MYO16: variants seen among roughly 807,000 people sequenced by gnomAD.
The protein encoded by MYO16 is myosin XVI.
Under a neutral mutation model 205.3 loss-of-function variants are expected in MYO16, and 94 were observed. The observed-to-expected ratio is 0.46, with a 90% CI of 0.39 to 0.54. The LOEUF is 0.54. MYO16 is among the 20% of genes least tolerant of loss of function. The pLI is 0.00. For missense variants in MYO16, 2,315 were observed against 2,387.5 expected (o/e 0.97, Z 0.63); for synonymous variants, 988 against 954.0 (o/e 1.04, Z -0.66).
intron 23 of MYO16, among the ~76,000 whole-genome samples, chr13:109,041,441 T>C (rs1027036706): frequency 4.6e-5 from 7 of 152,142 alleles, no homozygotes; most frequent in African/African-American, 1.7e-4. Context: ...TAAAGAAGAA[T>C]GAAGTGGGAG....
intron 16 of MYO16, among the ~76,000 whole-genome samples, chr13:108,932,432 C>T (rs1313126321): frequency 3.9e-5 from 6 of 152,158 alleles, no homozygotes; most frequent in Non-Finnish European, 8.8e-5. Context: ...TGGCCTAGGT[C>T]AAGGGTTAGC....
the MYO16 span, among the ~76,000 whole-genome samples, chr13:108,536,282 T>C: frequency 1.3e-5 from 2 of 152,166 alleles, no homozygotes; most frequent in African/African-American, 4.8e-5. Flanking sequence ...GATTTACAAC[T>C]GACTCCTTCT....
the MYO16 span, among the ~76,000 whole-genome samples, chr13:108,575,320 A>G: frequency 1.3e-5 from 2 of 152,150 alleles, no homozygotes; most frequent in East Asian, 1.9e-4. Context: ...CTTGACCTGT[A>G]TGGGTCCTAG....
intron 31 of MYO16, among the ~76,000 whole-genome samples, chr13:109,135,072 G>A (rs975407533): frequency 3.3e-5 from 5 of 152,150 alleles, no homozygotes; most frequent in African/African-American, 1.2e-4. Context: ...AGCGCCTCAA[G>A]TGTGTCCTCT....
intron 2 of MYO16, among the ~76,000 whole-genome samples, chr13:108,704,493 A>G (rs1431515476): frequency 1.3e-5 from 2 of 152,196 alleles, no homozygotes; most frequent in Non-Finnish European, 2.9e-5. Flanking sequence ...AAGAACTTAA[A>G]ATATAATAAA....
At chr13:108,919,171 G>A (rs1234808191) in intron 16 of MYO16, among the ~76,000 whole-genome samples, 2 of 152,150 alleles carry the variant, frequency 1.3e-5, no homozygotes, top group South Asian at 2.1e-4. Context: ...GAGGTGCCAC[G>A]AGCATTGTGG....
At chr13:108,861,258 CTG>C (rs1391969522) in intron 11 of MYO16, among the ~76,000 whole-genome samples, 3 of 152,112 alleles carry the variant, frequency 2.0e-5, no homozygotes, top group Non-Finnish European at 4.4e-5. Flanking sequence ...TTGGTTTTGT[CTG>C]TGTTTTTTAA....
At position 109,157,260 on chromosome 13, in the gene MYO16, A is replaced by C. The variant is rs987415053; in HGVS notation, c.5165-7641A>C. 3.1e-4 allele frequency among the ~76,000 whole-genome samples: 37 copies of C among 120,172 alleles called. 2 individuals are homozygous for C. The East Asian group carries it at 6.2e-3, about 20-fold the overall frequency. 78.8% of individuals were successfully genotyped at this position (120,172 alleles called of 152,430 possible). The stretch of plus-strand genomic sequence containing the variant: ...GTATTTACAAAAAAAAAAAAAAAAA[A>C]AAAAAAAAACCTTATTCTTCACAGC... On this transcript the variant is annotated intron_variant, in intron 32 of 34. Transcript: ENST00000457511.
intron 27 of MYO16, among the ~76,000 whole-genome samples, chr13:109,081,374 G>A (rs1888275482): frequency 6.6e-6 from 1 of 152,140 alleles, no homozygotes; most frequent in Non-Finnish European, 1.5e-5. Context: ...TTATGCATTA[G>A]GGTGAATATT....
chr13:108,718,782 C>T (rs1392166434), intron 3 of MYO16, among the ~76,000 whole-genome samples: 3 of 152,114 alleles, frequency 2.0e-5, no homozygotes, highest in South Asian at 4.1e-4. Context: ...AGAACCATCA[C>T]ATCCATAACT....
chr13:108,742,689 G>A (rs1451753776), intron 4 of MYO16, among the ~76,000 whole-genome samples: 3 of 152,096 alleles, frequency 2.0e-5, no homozygotes, highest in Non-Finnish European at 4.4e-5. Flanking sequence ...AAAGCTAAAA[G>A]TGATTTATTC....
At chr13:108,699,449 AAG>A (rs1883216846) in intron 2 of MYO16, among the ~76,000 whole-genome samples, 1 of 152,162 alleles carries the variant, frequency 6.6e-6, no homozygotes, top group South Asian at 2.1e-4. Context: ...TGGCATAAAA[AAG>A]AGCATTTTAA....
At chr13:108,679,792 T>G (rs1006700142) in intron 2 of MYO16, among the ~76,000 whole-genome samples, 1 of 152,120 alleles carries the variant, frequency 6.6e-6, no homozygotes, top group Non-Finnish European at 1.5e-5. Context: ...TCCAAACTTC[T>G]TTTCAAGAGA....
In MYO16 at chr13:109,100,953, AG is replaced by A. The variant is rs1217557090; in HGVS notation, c.3438+69del. 13 of 1,391,410 alleles carry A rather than the reference AG, an allele frequency of 9.3e-6. No individual in the cohort carries two copies. In the Admixed American group the frequency reaches 1.5e-4, roughly 16 times the overall value. 86.2% of individuals were successfully genotyped at this position (1,391,410 alleles called of 1,614,324 possible). A position where few individuals can be genotyped will look rare whatever the true frequency, so the allele number is the denominator to read the frequency against. The stretch of plus-strand genomic sequence containing the variant: ...TTAAATAAATGAGCTGAGTCATTGC[AG>A]GGAGCCACCAGAATCTTCCTGGCAA... On this transcript the variant is annotated intron_variant, in intron 28 of 34. Transcript: ENST00000457511.
At chr13:108,628,029 TG>T (rs1175943231), upstream of MYO16, among the ~76,000 whole-genome samples, 5 of 152,238 alleles carry the variant, frequency 3.3e-5, no homozygotes, top group Non-Finnish European at 5.9e-5. Context: ...TGTAAAGATT[TG>T]TATTGATTTA....
chr13:109,056,799 G>A (rs1318066625), intron 27 of MYO16, among the ~76,000 whole-genome samples: 1 of 151,878 alleles, frequency 6.6e-6, no homozygotes, highest in African/African-American at 2.4e-5. Flanking sequence ...AAACAGGGGT[G>A]GGCAAAAAGG....
At chr13:108,885,013 A>T (rs1348279430) in intron 13 of MYO16, among the ~76,000 whole-genome samples, 3 of 151,644 alleles carry the variant, frequency 2.0e-5, no homozygotes, top group Non-Finnish European at 1.5e-5. Flanking sequence ...AAAGACGCTG[A>T]GACGGGCTCT....
intron 6 of MYO16, among the ~76,000 whole-genome samples, chr13:108,799,755 C>T (rs775595389): frequency 2.0e-5 from 3 of 152,128 alleles, no homozygotes; most frequent in Non-Finnish European, 4.4e-5. Flanking sequence ...CAACTTAGTG[C>T]TGTACCAGGT....
rs1189711612 is a variant in MYO16 at position 109,047,043 on chromosome 13, T to C, written c.2872+52T>C. 8.7e-6 allele frequency: 11 copies of C among 1,266,840 alleles called. No individual in the cohort carries two copies. The Admixed American group carries it at 2.0e-4, about 23-fold the overall frequency. The allele number at this position is 1,266,840 out of a possible 1,614,324, so 78.5% of individuals were successfully genotyped here. A position where few individuals can be genotyped will look rare whatever the true frequency, so the allele number is the denominator to read the frequency against. On this transcript the variant is annotated intron_variant, in intron 24 of 34. Transcript: ENST00000457511. ...CACTGGTTAAAATGCCATGCATCCG[T>C]TATTTCTTTATCTCTGAATATTTTC... is the stretch of plus-strand genomic sequence containing the variant.
Sources: allele counts gnomAD v4.1 joint callset (sites outside exome capture counted in the v4.1 genomes callset), GRCh38; gene constraint gnomAD v4.1.1; transcripts MANE v1.5; gene names NCBI Gene and HGNC (gene_info 2026-07-23, HGNC 2026-07-21).